BRINP2: variants seen among roughly 807,000 people sequenced by gnomAD.
The protein encoded by BRINP2 is BMP/retinoic acid inducible neural specific 2.
Under a neutral mutation model 69.2 loss-of-function variants are expected in BRINP2, and 21 were observed. The observed-to-expected ratio is 0.30, with a 90% CI of 0.22 to 0.44. BRINP2 has a LOEUF of 0.44. Ranked by LOEUF, BRINP2 falls within the 20% of genes least tolerant of loss-of-function variation. The probability of loss-of-function intolerance (pLI) is 1.00; values close to 1 mark genes in which losing one functional copy is unlikely to be tolerated. For missense variants in BRINP2, 877 were observed against 986.0 expected (o/e 0.89, Z 1.48); for synonymous variants, 380 against 394.1 (o/e 0.96, Z 0.42).
intron 4 of BRINP2, among the ~76,000 whole-genome samples, chr1:177,259,549 G>A (rs929265303): frequency 6.6e-6 from 1 of 152,194 alleles, no homozygotes; most frequent in Non-Finnish European, 1.5e-5. Context: ...GACTTTCATA[G>A]CTAAGGAGGG....
intron 1 of BRINP2, among the ~76,000 whole-genome samples, chr1:177,201,113 A>G (rs896397453): frequency 6.6e-6 from 1 of 152,260 alleles, no homozygotes; most frequent in South Asian, 2.1e-4. Context: ...GGTGCACCAA[A>G]ATCTCAGAAA....
At chr1:177,270,199 A>C (rs763529456) in intron 4 of BRINP2, among the ~76,000 whole-genome samples, 7 of 152,100 alleles carry the variant, frequency 4.6e-5, no homozygotes, top group Non-Finnish European at 1.0e-4. Flanking sequence ...CTGAAGGGAG[A>C]AGACAGTGTG....
chr1:177,188,819 A>G (rs1378295609), intron 1 of BRINP2, among the ~76,000 whole-genome samples: 1 of 94,590 alleles, frequency 1.1e-5, no homozygotes, highest in Non-Finnish European at 1.9e-5. Flanking sequence ...GTAATTGTTT[A>G]TAGAAAAAAA....
At chr1:177,187,852 A>G (rs190355693) in intron 1 of BRINP2, among the ~76,000 whole-genome samples, 5 of 152,266 alleles carry the variant, frequency 3.3e-5, no homozygotes, top group East Asian at 1.9e-4. Context: ...CTATTTTTGT[A>G]TATGTTTGGA....
intron 4 of BRINP2, among the ~76,000 whole-genome samples, chr1:177,265,250 C>T (rs763022389): frequency 1.3e-5 from 2 of 152,122 alleles, no homozygotes; most frequent in Non-Finnish European, 2.9e-5. Context: ...ACTGGCTAGC[C>T]TTATGCAGAA....
At chr1:177,182,001 G>A (rs889330755) in intron 1 of BRINP2, among the ~76,000 whole-genome samples, 1 of 152,222 alleles carries the variant, frequency 6.6e-6, no homozygotes, top group African/African-American at 2.4e-5. Flanking sequence ...AGGGACAGCA[G>A]GGGAGCCATG....
intron 3 of BRINP2, 154 bp from the exon 4 acceptor site, chr1:177,257,022 C>T: frequency 3.9e-6 from 6 of 1,536,290 alleles, no homozygotes; most frequent in Non-Finnish European, 1.8e-6. Context: ...TGATGAGCTT[C>T]TTCTAAAGAT....
chr1:177,234,995 G>C (rs1308336012), intron 2 of BRINP2, among the ~76,000 whole-genome samples: 1 of 152,118 alleles, frequency 6.6e-6, no homozygotes, highest in African/African-American at 2.4e-5. Flanking sequence ...AATTCATCAG[G>C]ATAAACAATA....
chr1:177,209,684 G>A (rs901847082), intron 1 of BRINP2, among the ~76,000 whole-genome samples: 1 of 152,148 alleles, frequency 6.6e-6, no homozygotes, highest in Non-Finnish European at 1.5e-5. Flanking sequence ...CTGACCAGCT[G>A]TTCAAATTGG....
chr1:177,209,859 G>A lies in BRINP2; in HGVS notation c.-76-19942G>A, dbSNP rs537452082. Among the ~76,000 whole-genome samples the A allele has an allele frequency of 6.3e-4, 96 of 152,186 alleles. 1 individual carries two copies. Among genetic ancestry groups the A allele is most frequent in the African/African-American group, 1.1e-3 (45 of 41,516 alleles). On this transcript the variant is annotated intron_variant, in intron 1 of 7. Coordinates refer to ENST00000361539, the MANE Select transcript of BRINP2 (RefSeq NM_021165.4). ...TTTATGATTATAAAAATAATTCATC[G>A]CTTTATAGAAAATTTGGAAATACAT...
intron 1 of BRINP2, among the ~76,000 whole-genome samples, chr1:177,213,726 C>T (rs945205936): frequency 1.3e-5 from 2 of 152,122 alleles, no homozygotes; most frequent in African/African-American, 4.8e-5. Context: ...ATAGGGCTTG[C>T]TGCAGGAGCA....
intron 4 of BRINP2, among the ~76,000 whole-genome samples, chr1:177,260,508 C>T (rs139677848): frequency 7.9e-4 from 121 of 152,266 alleles, no homozygotes; most frequent in African/African-American, 1.7e-3. Context: ...TATCAAATAG[C>T]GTCACATGCT....
At chr1:177,248,259 T>C (rs1650451614) in intron 2 of BRINP2, among the ~76,000 whole-genome samples, 1 of 152,188 alleles carries the variant, frequency 6.6e-6, no homozygotes, top group African/African-American at 2.4e-5. Flanking sequence ...TGCATTATAC[T>C]GGATCAGCAT....
At chr1:177,185,142 GAA>G (rs59653327) in intron 1 of BRINP2, among the ~76,000 whole-genome samples, 2 of 145,216 alleles carry the variant, frequency 1.4e-5, no homozygotes, top group African/African-American at 5.0e-5. Flanking sequence ...TGTCATGTTG[GAA>G]AAAAAAAAAG....
At chr1:177,195,781 G>A (rs1648728274) in intron 1 of BRINP2, among the ~76,000 whole-genome samples, 1 of 151,992 alleles carries the variant, frequency 6.6e-6, no homozygotes, top group African/African-American at 2.4e-5. Flanking sequence ...GCCAAGTGGA[G>A]AAAAACGTGT....
chr1:177,242,726 C>T (rs565286857), intron 2 of BRINP2, among the ~76,000 whole-genome samples: 71 of 152,290 alleles, frequency 4.7e-4, no homozygotes, highest in East Asian at 1.7e-3. Context: ...AAGAACATGT[C>T]GTATTTCACC....
chr1:177,274,382 A>C (rs570104209), intron 5 of BRINP2, among the ~76,000 whole-genome samples: 1 of 152,352 alleles, frequency 6.6e-6, no homozygotes, highest in Non-Finnish European at 1.5e-5. Flanking sequence ...TCTCAGCATT[A>C]CAAAATCAAT....
intron 1 of BRINP2, among the ~76,000 whole-genome samples, chr1:177,179,115 G>A (rs1321925901): frequency 2.0e-5 from 3 of 151,892 alleles, no homozygotes; most frequent in Admixed American, 6.6e-5. Context: ...TTTAGACCCC[G>A]AGTCCACATT....
In BRINP2 at chr1:177,280,638, C is replaced by A. The variant is rs1362590603; in HGVS notation, c.1462C>A (p.Gln488Lys). Residue 488 changes from glutamine (Q) to lysine (K), a missense_variant, in exon 8 of 8, where the codon CAG (glutamine) becomes AAG (lysine). This residue lies in a region of BRINP2 where 566 missense variants were observed against 625.2 expected (regional missense o/e 0.91). Transcript: ENST00000361539. ...CTGCAACCCGGGCTATGTGCTGGCC[C>A]AGGGGCTGTGCCGGCCAGAGGTGGC... ...GSCNPGYVLA[Q>K]GLCRPEVAES... 15 of 1,614,170 alleles carry A rather than the reference C, an allele frequency of 9.3e-6. No individual in the cohort carries two copies. The highest frequency in any genetic ancestry group is 1.3e-5 in the Non-Finnish European group (15 of 1,180,016).
Sources: allele counts gnomAD v4.1 joint callset (sites outside exome capture counted in the v4.1 genomes callset), GRCh38; gene constraint gnomAD v4.1.1; regional missense constraint gnomAD v4.1.1; transcripts MANE v1.5; gene names NCBI Gene and HGNC (gene_info 2026-07-23, HGNC 2026-07-21).